The following ZNF385B variants were observed in gnomAD, a reference collection of about 807,000 sequenced individuals.
The protein encoded by ZNF385B is zinc finger protein 533.
ZNF385B carries 23 observed loss-of-function variants against 39.2 expected under a neutral mutation model. The ratio of observed to expected loss-of-function variants is 0.59; its 90% CI spans 0.42 to 0.83. ZNF385B has a LOEUF of 0.83. Among genes scored for constraint, ZNF385B ranks in the 40% least tolerant of loss-of-function variants. The probability of loss-of-function intolerance (pLI) is 0.00; values close to 1 mark genes in which losing one functional copy is unlikely to be tolerated. For synonymous variants in ZNF385B, 205 were observed against 222.6 expected (o/e 0.92, Z 0.70); for missense variants, 552 against 598.9 (o/e 0.92, Z 0.82).
intron 1 of ZNF385B, among the ~76,000 whole-genome samples, chr2:179,855,761 T>A (rs1684543941): frequency 6.6e-6 from 1 of 152,210 alleles, no homozygotes; most frequent in South Asian, 2.1e-4. Context: ...TTTAATAGTA[T>A]GATTATGGTG....
At chr2:179,838,102 C>A (rs1049572171) in intron 1 of ZNF385B, among the ~76,000 whole-genome samples, 1 of 152,140 alleles carries the variant, frequency 6.6e-6, no homozygotes. Flanking sequence ...AAAAAAAAGT[C>A]TTTCACTCTG....
At chr2:179,469,482 AC>A (rs1456720050) in intron 6 of ZNF385B, among the ~76,000 whole-genome samples, 2 of 152,012 alleles carry the variant, frequency 1.3e-5, no homozygotes, top group African/African-American at 4.8e-5. Flanking sequence ...CTGGATCAGG[AC>A]CCCTTTCTGG....
intron 3 of ZNF385B, among the ~76,000 whole-genome samples, chr2:179,714,033 T>G (rs529448819): frequency 2.6e-5 from 4 of 152,110 alleles, no homozygotes; most frequent in East Asian, 1.9e-4. Context: ...TGGTAAACAT[T>G]TGAATGTTGG....
chr2:179,631,576 G>A (rs1691220321), intron 3 of ZNF385B, among the ~76,000 whole-genome samples: 1 of 152,194 alleles, frequency 6.6e-6, no homozygotes, highest in Admixed American at 6.6e-5. Context: ...ATGCCAAATT[G>A]TAAAGACCCA....
At chr2:179,608,115 C>T (rs1478153237) in intron 3 of ZNF385B, among the ~76,000 whole-genome samples, 2 of 151,824 alleles carry the variant, frequency 1.3e-5, no homozygotes, top group Non-Finnish European at 2.9e-5. Flanking sequence ...GGTTTCACCA[C>T]ATTGGCCAGG....
In ZNF385B at chr2:179,618,252, T is replaced by A. The variant is rs1484970319; in HGVS notation, c.299-73283A>T. ...TAATTTTAGTAGCAAAGTCTAAAAC[T>A]GAGCTCTACTATTGCCAACCTCTGT... On this transcript the variant is annotated intron_variant, in intron 3 of 9. Transcript: ENST00000410066. Among the ~76,000 whole-genome samples, 4 of 152,330 alleles carry A rather than the reference T, an allele frequency of 2.6e-5. No homozygotes were observed. In the East Asian group the frequency reaches 7.7e-4, roughly 29 times the overall value.
At chr2:179,809,949 T>C (rs565788594) in intron 1 of ZNF385B, among the ~76,000 whole-genome samples, 1 of 148,326 alleles carries the variant, frequency 6.7e-6, no homozygotes, top group South Asian at 2.1e-4. Flanking sequence ...TGTAATGAGA[T>C]AATAATGAAA....
At chr2:179,844,879 T>C (rs10185471) in intron 1 of ZNF385B, among the ~76,000 whole-genome samples, 43,317 of 152,098 alleles carry the variant, frequency 0.28, 6,391 homozygotes, top group African/African-American at 0.31. Context: ...AACTCTCTCG[T>C]GAGTGATAAC....
chr2:179,587,635 T>C (rs535207735), intron 3 of ZNF385B, among the ~76,000 whole-genome samples: 1 of 152,204 alleles, frequency 6.6e-6, no homozygotes, highest in African/African-American at 2.4e-5. Context: ...GAGGCTAATT[T>C]CTGTTGTTTA....
At chr2:179,774,072 G>C (rs539569085) in intron 1 of ZNF385B, among the ~76,000 whole-genome samples, 157 of 152,006 alleles carry the variant, frequency 1.0e-3, no homozygotes, top group Middle Eastern at 3.4e-3. Flanking sequence ...TGGGGTGTGT[G>C]TGGTATGTGC....
intron 3 of ZNF385B, among the ~76,000 whole-genome samples, chr2:179,749,639 A>G (rs1032492783): frequency 1.3e-5 from 2 of 152,108 alleles, no homozygotes; most frequent in Admixed American, 1.3e-4. Flanking sequence ...AATTGAACTC[A>G]CTAATTACCA....
chr2:179,649,542 T>G lies in ZNF385B; in HGVS notation c.299-104573A>C, dbSNP rs1575086639. Among the ~76,000 whole-genome samples the G allele has an allele frequency of 3.3e-5, 5 of 152,296 alleles. 1 individual carries two copies. The highest frequency in any genetic ancestry group is 3.3e-4 in the Admixed American group (5 of 15,292). On this transcript the variant is annotated intron_variant, in intron 3 of 9. Transcript: ENST00000410066. ...TTGAGATCGTTTCAAAATTTTAAAATTATCTTATGGGGTAAATATGTCATA... is the reference window on the plus strand; with the variant it reads ...TTGAGATCGTTTCAAAATTTTAAAAGTATCTTATGGGGTAAATATGTCATA...
Position 179,442,535 on chromosome 2 carries a change from T to C in ZNF385B, c.*715A>G, listed in dbSNP as rs947200675. Reference sequence around the variant, plus strand: ...CATTTAAATATCTCCAAATAAAATGTGAAATAAAGAAAATACATTATTTTA... The same window carrying C: ...CATTTAAATATCTCCAAATAAAATGCGAAATAAAGAAAATACATTATTTTA... On this transcript the variant is annotated 3_prime_UTR_variant, in exon 10 of 10. Transcript: ENST00000410066. 5 of 152,658 alleles carry C rather than the reference T, an allele frequency of 3.3e-5. No individual in the cohort carries two copies. Among genetic ancestry groups the C allele is most frequent in the African/African-American group, 1.2e-4 (5 of 41,462 alleles). 9.5% of individuals were successfully genotyped at this position (152,658 alleles called of 1,614,324 possible).
intron 3 of ZNF385B, among the ~76,000 whole-genome samples, chr2:179,591,165 A>G (rs1421936672): frequency 1.3e-5 from 2 of 152,110 alleles, no homozygotes; most frequent in Non-Finnish European, 2.9e-5. Flanking sequence ...AATAATAGAA[A>G]ATTATTTTAT....
At chr2:179,494,596 T>C (rs1267696995) in intron 5 of ZNF385B, among the ~76,000 whole-genome samples, 5 of 152,210 alleles carry the variant, frequency 3.3e-5, no homozygotes, top group African/African-American at 1.2e-4. Flanking sequence ...CTTTTGTTTC[T>C]TTTAAATTTA....
At chr2:179,665,901 G>A (rs898822747) in intron 3 of ZNF385B, among the ~76,000 whole-genome samples, 27 of 151,606 alleles carry the variant, frequency 1.8e-4, no homozygotes, top group African/African-American at 6.5e-4. Flanking sequence ...AAAGCCAGCT[G>A]GTCCTCTCAG....
chr2:179,828,948 GA>G (rs1707825390), intron 1 of ZNF385B, among the ~76,000 whole-genome samples: 1 of 150,154 alleles, frequency 6.7e-6, no homozygotes, highest in African/African-American at 2.5e-5. Context: ...AAAGAAAGAA[GA>G]AGAGAAAAAG....
At chr2:179,540,360 C>T (rs372900400) in intron 4 of ZNF385B, among the ~76,000 whole-genome samples, 14 of 152,020 alleles carry the variant, frequency 9.2e-5, no homozygotes, top group African/African-American at 4.8e-5. Flanking sequence ...GCAAGAGAAT[C>T]GCTTGAACCC....
At chr2:179,842,786 T>C (rs1432232975) in intron 1 of ZNF385B, among the ~76,000 whole-genome samples, 4 of 152,222 alleles carry the variant, frequency 2.6e-5, no homozygotes, top group Non-Finnish European at 4.4e-5. Context: ...GTTTTGCACA[T>C]GCTATTTCAT....
Sources: gnomAD v4.1 joint callset for allele counts (sites outside exome capture counted in the v4.1 genomes callset) on GRCh38, gnomAD v4.1.1 for gene constraint, MANE v1.5 for transcripts, NCBI Gene and HGNC (gene_info 2026-07-23, HGNC 2026-07-21) for gene names.